GATM: variants seen among roughly 807,000 people sequenced by gnomAD.
The protein encoded by GATM is glycine amidinotransferase, also known as glycine amidinotransferase, mitochondrial.
A neutral mutation model predicts 54.2 loss-of-function variants in GATM; 23 were observed. That is an observed-to-expected ratio of 0.42 (90% CI 0.31 to 0.60). GATM has a LOEUF of 0.60. Among genes scored for constraint, GATM ranks in the 20% least tolerant of loss-of-function variants. GATM has a pLI of 0.14. For missense variants in GATM, 401 were observed against 544.9 expected (o/e 0.74, Z 2.63); for synonymous variants, 168 against 183.1 (o/e 0.92, Z 0.67).
intron 2 of GATM, among the ~76,000 whole-genome samples, chr15:45,371,486 T>C (rs10519022): frequency 0.32 from 48,546 of 152,106 alleles, 8,864 homozygotes; most frequent in East Asian, 0.83. Flanking sequence ...CAATAAGTAC[T>C]AGAAAGGTGT....
intron 3 of GATM, among the ~76,000 whole-genome samples, chr15:45,395,852 A>T (rs555349533): frequency 4.7e-5 from 7 of 147,982 alleles, no homozygotes; most frequent in East Asian, 1.9e-4. Context: ...CAGAATGAAT[A>T]AAAAAAAAAT....
At chr15:45,372,106 T>A (rs921586387) in intron 2 of GATM, among the ~76,000 whole-genome samples, 4 of 152,218 alleles carry the variant, frequency 2.6e-5, no homozygotes, top group Admixed American at 2.6e-4. Flanking sequence ...AAAAGGTCCA[T>A]AGGCAAATTT....
chr15:45,372,762 T>C (rs566534763), intron 2 of GATM, among the ~76,000 whole-genome samples: 1 of 152,326 alleles, frequency 6.6e-6, no homozygotes, highest in South Asian at 2.1e-4. Flanking sequence ...TTTGAACAAA[T>C]GTGATTTTTT....
chr15:45,392,639 T>C (rs1889885227), intron 3 of GATM, among the ~76,000 whole-genome samples: 1 of 152,208 alleles, frequency 6.6e-6, no homozygotes, highest in South Asian at 2.1e-4. Flanking sequence ...AGGGATGTAA[T>C]GTGGGGCCAC....
chr15:45,376,424 G>A (rs1045501683), intron 2 of GATM, among the ~76,000 whole-genome samples, 177 bp downstream of exon 2: 3 of 138,200 alleles, frequency 2.2e-5, no homozygotes, highest in Non-Finnish European at 4.6e-5. Context: ...AGCTCTTCAG[G>A]AAGGAAGCAA....
At chr15:45,376,842 T>G (rs1177562677) in intron 1 of GATM, 23 bp from the exon 2 acceptor site, 3 of 1,594,564 alleles carry the variant, frequency 1.9e-6, no homozygotes, top group Non-Finnish European at 2.6e-6. Flanking sequence ...AAGAAAAGAT[T>G]ATTGTATTGC....
intron 3 of GATM, among the ~76,000 whole-genome samples, chr15:45,384,458 C>A (rs915925935): frequency 6.6e-6 from 1 of 152,188 alleles, no homozygotes; most frequent in East Asian, 1.9e-4. Context: ...CTGTTGGGAA[C>A]TCTACAGAGG....
At chr15:45,369,670 C>G in intron 2 of GATM, 149 bp from the exon 3 acceptor site, 1 of 710,724 alleles carries the variant, frequency 1.4e-6, no homozygotes, top group Non-Finnish European at 2.5e-6. Context: ...GCATTGAGCA[C>G]ATAAGCCCTC....
intron 4 of GATM, among the ~76,000 whole-genome samples, chr15:45,367,364 G>C (rs1889467155): frequency 6.6e-6 from 1 of 151,652 alleles, no homozygotes; most frequent in Non-Finnish European, 1.5e-5. Flanking sequence ...AAGTGATACA[G>C]AGGCAGTAAC....
chr15:45,395,040 C>T (rs1889912492), intron 3 of GATM, among the ~76,000 whole-genome samples: 1 of 152,140 alleles, frequency 6.6e-6, no homozygotes, highest in African/African-American at 2.4e-5. Context: ...TTTCTGTCTC[C>T]TCTGTCTGAT....
intron 3 of GATM, among the ~76,000 whole-genome samples, chr15:45,392,567 C>T (rs1275420811): frequency 2.0e-5 from 3 of 152,220 alleles, no homozygotes; most frequent in Non-Finnish European, 4.4e-5. Context: ...GCACCCACAA[C>T]AAGCCATTCA....
intron 3 of GATM, among the ~76,000 whole-genome samples, chr15:45,386,065 C>T (rs1283869371): frequency 6.6e-6 from 1 of 152,204 alleles, no homozygotes; most frequent in African/African-American, 2.4e-5. Flanking sequence ...TCTTGTTAAT[C>T]TGCCTGCTCT....
chr15:45,367,981 A>G, intron 4 of GATM, 89 bp downstream of exon 4: 5 of 1,126,708 alleles, frequency 4.4e-6, no homozygotes, highest in Non-Finnish European at 4.0e-6. Context: ...AATGCATAAT[A>G]TATACAAGGT....
intron 3 of GATM, among the ~76,000 whole-genome samples, chr15:45,389,936 T>C (rs928248844): frequency 6.6e-6 from 1 of 152,086 alleles, no homozygotes; most frequent in Non-Finnish European, 1.5e-5. Flanking sequence ...CTCAGCTCAC[T>C]GCAACCTCCA....
intron 8 of GATM, chr15:45,363,553 G>A: frequency 2.6e-6 from 1 of 378,056 alleles, no homozygotes; most frequent in South Asian, 3.8e-5. Context: ...ACTTTTAAAG[G>A]ACCCACAATG....
rs1889680552 is a variant in GATM, at chr15:45,378,391, T to G, written c.63A>C (p.Gly21=). Residue 21 remains glycine, a synonymous_variant, in exon 1 of 9, where the codon GGA becomes GGC. Transcript: ENST00000396659. ...AGGCCGGTGGCGCACGCACCCGAGA[T>G]CCGATGTAGTGCACCGCCTCGGCGC... ...SRGAEAVHYI[G]SRLGRTLTGW... 2 of 1,518,594 alleles carry G rather than the reference T, an allele frequency of 1.3e-6. No homozygotes were observed. The highest frequency in any genetic ancestry group is 2.0e-5 in the Admixed American group (1 of 49,366). 94.1% of individuals were successfully genotyped at this position (1,518,594 alleles called of 1,614,324 possible). A position where few individuals can be genotyped will look rare whatever the true frequency, so the allele number is the denominator to read the frequency against.
intron 2 of GATM, among the ~76,000 whole-genome samples, chr15:45,398,347 C>G (rs965469262): frequency 6.6e-6 from 1 of 152,168 alleles, no homozygotes; most frequent in Non-Finnish European, 1.5e-5. Context: ...ATGAATCAAG[C>G]AATTTCCTGA....
chr15:45,402,169 C>A, exon 1 of GATM: 1 of 516,026 alleles, frequency 1.9e-6, no homozygotes, highest in East Asian at 3.7e-5. Flanking sequence ...CTCCCAGACA[C>A]CTGTAACGAA....
At chr15:45,372,158 C>T (rs1372277399) in intron 2 of GATM, among the ~76,000 whole-genome samples, 1 of 152,202 alleles carries the variant, frequency 6.6e-6, no homozygotes, top group African/African-American at 2.4e-5. Flanking sequence ...TACAGGAACG[C>T]AGGCACATTC....
Sources: allele counts gnomAD v4.1 joint callset (sites outside exome capture counted in the v4.1 genomes callset), GRCh38; gene constraint gnomAD v4.1.1; transcripts MANE v1.5; gene names NCBI Gene and HGNC (gene_info 2026-07-23, HGNC 2026-07-21).